CYP4X1: variants seen among roughly 807,000 people sequenced by gnomAD.
CYP4X1 encodes the protein cytochrome P450 4X1.
A neutral mutation model predicts 57.9 loss-of-function variants in CYP4X1; 44 were observed. The observed-to-expected ratio is 0.76, with a 90% CI of 0.60 to 0.98. The LOEUF is 0.98. CYP4X1 is among the 50% of genes least tolerant of loss of function. The pLI is 0.00. For synonymous variants in CYP4X1, 227 were observed against 228.6 expected, an observed-to-expected ratio of 0.99 and a Z score of 0.06; for missense variants, 532 against 623.9, an observed-to-expected ratio of 0.85 and a Z score of 1.57.
chr1:46,975,715 A>G, the CYP4X1 span, among the ~76,000 whole-genome samples: 1 of 152,044 alleles, frequency 6.6e-6, no homozygotes, highest in African/African-American at 2.4e-5. Flanking sequence ...CAACCTCTCT[A>G]GTGAGGCTTG....
intron 3 of CYP4X1, among the ~76,000 whole-genome samples, chr1:47,031,891 A>AC (rs1433754410): frequency 2.0e-5 from 3 of 152,026 alleles, no homozygotes; most frequent in African/African-American, 7.2e-5. Context: ...AAAATACAAA[A>AC]ATTAGCCAGG....
chr1:47,029,988 A>G lies in CYP4X1; in HGVS notation c.178-2A>G. On this transcript the variant is annotated splice_acceptor_variant, in intron 1 of 11. Coordinates refer to ENST00000371901, the MANE Select transcript of CYP4X1 (RefSeq NM_178033.2). LOFTEE classifies it high-confidence loss of function. Reference sequence around the variant, plus strand: ...TAATTACTTTTACTTTTTTCACTGCAGTTTATTCAGGATGATAACATGGAG... The same window carrying G: ...TAATTACTTTTACTTTTTTCACTGCGGTTTATTCAGGATGATAACATGGAG... The G allele has an allele frequency of 6.2e-7, 1 of 1,613,610 alleles. No individual in the cohort carries two copies. Among genetic ancestry groups the G allele is most frequent in the Non-Finnish European group, 8.5e-7 (1 of 1,179,760 alleles).
At chr1:46,964,481 C>T in the CYP4X1 span, among the ~76,000 whole-genome samples, 3 of 152,174 alleles carry the variant, frequency 2.0e-5, no homozygotes, top group Non-Finnish European at 4.4e-5. Flanking sequence ...AGCTGCAGGT[C>T]TGCTGGTGTT....
intron 4 of CYP4X1, among the ~76,000 whole-genome samples, chr1:47,033,927 G>A (rs1215427247): frequency 6.6e-6 from 1 of 152,222 alleles, no homozygotes; most frequent in African/African-American, 2.4e-5. Context: ...TTTATGGTAA[G>A]TACATGCTCT....
intron 1 of CYP4X1, among the ~76,000 whole-genome samples, chr1:47,026,074 T>C (rs1295618862): frequency 6.6e-6 from 1 of 152,196 alleles, no homozygotes; most frequent in Non-Finnish European, 1.5e-5. Context: ...GAAGGATGGT[T>C]ACCAAAGGCT....
the CYP4X1 span, among the ~76,000 whole-genome samples, chr1:46,992,927 T>G: frequency 5.3e-5 from 8 of 152,282 alleles, no homozygotes; most frequent in Admixed American, 4.6e-4. Context: ...TAAAAATAAT[T>G]ATAGACTTCC....
chr1:47,027,413 T>C (rs911809484), intron 1 of CYP4X1, among the ~76,000 whole-genome samples: 9 of 152,236 alleles, frequency 5.9e-5, no homozygotes, highest in Admixed American at 3.9e-4. Context: ...TGTGATATTT[T>C]GATACGTGCA....
At chr1:46,986,077 C>T in the CYP4X1 span, among the ~76,000 whole-genome samples, 730 of 152,246 alleles carry the variant, frequency 4.8e-3, 10 homozygotes, top group East Asian at 0.045. Flanking sequence ...CTCCTCCGAG[C>T]TAAAGGAGCT....
the CYP4X1 span, among the ~76,000 whole-genome samples, chr1:46,999,656 T>C: frequency 6.6e-6 from 1 of 152,114 alleles, no homozygotes; most frequent in South Asian, 2.1e-4. Context: ...TGGCATTAGG[T>C]TGTTAATTTG....
At chr1:46,980,399 A>G in the CYP4X1 span, among the ~76,000 whole-genome samples, 1 of 152,230 alleles carries the variant, frequency 6.6e-6, no homozygotes, top group Non-Finnish European at 1.5e-5. Flanking sequence ...AGAATAAAAT[A>G]CCTAGGAATC....
chr1:46,983,005 G>A, the CYP4X1 span, among the ~76,000 whole-genome samples: 1 of 152,244 alleles, frequency 6.6e-6, no homozygotes, highest in Non-Finnish European at 1.5e-5. Flanking sequence ...TCAGCCCAAG[G>A]TGGGGTGGTT....
intron 8 of CYP4X1, among the ~76,000 whole-genome samples, chr1:47,044,928 G>A (rs1986925): frequency 0.31 from 47,567 of 151,658 alleles, 8,325 homozygotes; most frequent in East Asian, 0.74. Context: ...AGGTTCAAGC[G>A]ATTCTTCTGC....
chr1:46,965,182 C>T, the CYP4X1 span, among the ~76,000 whole-genome samples: 1 of 152,236 alleles, frequency 6.6e-6, no homozygotes, highest in Admixed American at 6.5e-5. Flanking sequence ...ACCCCTTGCA[C>T]TTCCCGGGTG....
At chr1:47,044,774 A>G (rs1313112515) in intron 8 of CYP4X1, among the ~76,000 whole-genome samples, 3 of 151,996 alleles carry the variant, frequency 2.0e-5, no homozygotes, top group Non-Finnish European at 2.9e-5. Context: ...ATTGAAATGG[A>G]CAAAATTGTT....
At chr1:46,971,335 T>C in the CYP4X1 span, among the ~76,000 whole-genome samples, 2 of 152,228 alleles carry the variant, frequency 1.3e-5, no homozygotes, top group African/African-American at 4.8e-5. Flanking sequence ...GATGGGCATT[T>C]AGTTTGATTG....
intron 9 of CYP4X1, among the ~76,000 whole-genome samples, chr1:47,047,044 A>G (rs1301940745): frequency 2.6e-5 from 4 of 152,234 alleles, no homozygotes; most frequent in African/African-American, 9.6e-5. Flanking sequence ...TAGAGCCTTC[A>G]GACCCATTAT....
Position 47,050,176 on chromosome 1 carries a change from T to A in CYP4X1, c.*2T>A. On this transcript the variant is annotated 3_prime_UTR_variant, in exon 12 of 12. Coordinates refer to ENST00000371901, the MANE Select transcript of CYP4X1 (RefSeq NM_178033.2). The stretch of plus-strand genomic sequence containing the variant: ...CTGAAGAAACTCTCTGAATGTTAGA[T>A]CTCAGGGTACAATGATTAAACGTAC... 1 of 1,613,718 alleles carries A rather than the reference T, an allele frequency of 6.2e-7. No individual in the cohort carries two copies. Among genetic ancestry groups the A allele is most frequent in the Non-Finnish European group, 8.5e-7 (1 of 1,179,884 alleles).
downstream of CYP4X1, among the ~76,000 whole-genome samples, chr1:47,053,736 A>T (rs1167503274): frequency 6.6e-6 from 1 of 152,178 alleles, no homozygotes; most frequent in African/African-American, 2.4e-5. Context: ...GTCTCTGCTC[A>T]TATCCTTCGC....
At chr1:46,988,945 C>A in the CYP4X1 span, among the ~76,000 whole-genome samples, 1 of 152,106 alleles carries the variant, frequency 6.6e-6, no homozygotes, top group South Asian at 2.1e-4. Flanking sequence ...CAATATCATA[C>A]TAAACGGGCA....
Sources: allele counts gnomAD v4.1 joint callset (sites outside exome capture counted in the v4.1 genomes callset), GRCh38; gene constraint gnomAD v4.1.1; transcripts MANE v1.5; gene names NCBI Gene and HGNC (gene_info 2026-07-23, HGNC 2026-07-21).